Variants in ERBB4 observed in about 807,000 individuals in gnomAD.
ERBB4 encodes erb-b2 receptor tyrosine kinase 4.
A neutral mutation model predicts 158.0 loss-of-function variants in ERBB4; 42 were observed. That is an observed-to-expected ratio of 0.27 (90% confidence interval 0.21 to 0.34). ERBB4 has a LOEUF of 0.34. Ranked by LOEUF, ERBB4 falls within the 10% of genes least tolerant of loss-of-function variation. ERBB4 has a pLI of 1.00. For missense variants in ERBB4, 1,333 were observed against 1,624.1 expected, an observed-to-expected ratio of 0.82 and a Z score of 3.08; for synonymous variants, 583 against 558.7, an observed-to-expected ratio of 1.04 and a Z score of -0.61.
At chr2:211,865,625 T>A (rs893020334) in intron 3 of ERBB4, among the ~76,000 whole-genome samples, 7 of 152,066 alleles carry the variant, frequency 4.6e-5, no homozygotes, top group Admixed American at 2.6e-4. Flanking sequence ...GTAGCTGGGA[T>A]TTTCTGTCTA....
intron 7 of ERBB4, among the ~76,000 whole-genome samples, chr2:211,716,426 C>T (rs1341151227): frequency 6.8e-6 from 1 of 147,970 alleles, no homozygotes; most frequent in Non-Finnish European, 1.5e-5. Flanking sequence ...CCTGTAATCC[C>T]AGCACTTTGG....
intron 2 of ERBB4, among the ~76,000 whole-genome samples, chr2:212,070,657 G>T (rs2078086825): frequency 6.6e-6 from 1 of 151,928 alleles, no homozygotes. Flanking sequence ...AATTAGTTTG[G>T]ATCTCTGTCT....
At chr2:212,085,500 G>C (rs1046900303) in intron 2 of ERBB4, among the ~76,000 whole-genome samples, 3 of 151,800 alleles carry the variant, frequency 2.0e-5, no homozygotes, top group Non-Finnish European at 4.4e-5. Flanking sequence ...TTTCAGCTTG[G>C]TATTAGTATC....
chr2:211,461,837 T>A (rs1435283515), intron 20 of ERBB4, among the ~76,000 whole-genome samples: 1 of 151,820 alleles, frequency 6.6e-6, no homozygotes, highest in Non-Finnish European at 1.5e-5. Flanking sequence ...CTTTCTAAAG[T>A]ACTCTGGGCC....
intron 12 of ERBB4, among the ~76,000 whole-genome samples, chr2:211,682,592 GGATA>G (rs1178999519): frequency 6.6e-6 from 1 of 152,084 alleles, no homozygotes; most frequent in African/African-American, 2.4e-5. Flanking sequence ...TTTTGTATAT[GGATA>G]TTCAATATTT....
chr2:211,734,201 C>T (rs2074525835), intron 5 of ERBB4, among the ~76,000 whole-genome samples: 1 of 152,040 alleles, frequency 6.6e-6, no homozygotes, highest in South Asian at 2.1e-4. Flanking sequence ...CCAAATTTCT[C>T]ATTTTATTGA....
At chr2:212,112,930 G>GTT (rs1379225761) in intron 2 of ERBB4, among the ~76,000 whole-genome samples, 1 of 152,068 alleles carries the variant, frequency 6.6e-6, no homozygotes, top group African/African-American at 2.4e-5. Flanking sequence ...AAAAATAAAA[G>GTT]TTCACTGAAC....
chr2:211,760,403 C>T (rs2075380329), intron 4 of ERBB4, among the ~76,000 whole-genome samples: 1 of 152,140 alleles, frequency 6.6e-6, no homozygotes, highest in African/African-American at 2.4e-5. Context: ...GCAAATGACA[C>T]AAATCTGGAA....
chr2:212,362,000 A>G (rs1447058200), intron 1 of ERBB4, among the ~76,000 whole-genome samples: 4 of 151,712 alleles, frequency 2.6e-5, no homozygotes, highest in Admixed American at 1.3e-4. Flanking sequence ...TTGTATATAC[A>G]TAACATTTTA....
intron 2 of ERBB4, among the ~76,000 whole-genome samples, chr2:211,957,246 C>T (rs2081059562): frequency 6.6e-6 from 1 of 151,896 alleles, no homozygotes; most frequent in African/African-American, 2.4e-5. Flanking sequence ...TTAAGTCGGG[C>T]CCTAATCCAA....
chr2:211,719,523 A>G (rs2074028203), intron 7 of ERBB4, among the ~76,000 whole-genome samples: 1 of 151,940 alleles, frequency 6.6e-6, no homozygotes, highest in Non-Finnish European at 1.5e-5. Context: ...ACCTTCCCAC[A>G]CCCAGGTCTT....
intron 2 of ERBB4, among the ~76,000 whole-genome samples, chr2:211,982,554 C>A (rs529921418): frequency 1.3e-5 from 2 of 152,260 alleles, no homozygotes; most frequent in African/African-American, 4.8e-5. Context: ...TAGAGCAAGA[C>A]CGCACAGCCT....
chr2:212,262,200 T>G (rs1471139675), intron 1 of ERBB4, among the ~76,000 whole-genome samples: 2 of 152,198 alleles, frequency 1.3e-5, no homozygotes, highest in East Asian at 3.8e-4. Flanking sequence ...TAGATGGCTT[T>G]TATGTTTCTT....
At chr2:211,671,004 T>A (rs934534994) in intron 14 of ERBB4, among the ~76,000 whole-genome samples, 7 of 152,120 alleles carry the variant, frequency 4.6e-5, no homozygotes, top group African/African-American at 1.4e-4. Flanking sequence ...GGATTTTTTT[T>A]ATGAAATTAG....
chr2:212,285,371 G>T (rs1471588409), intron 1 of ERBB4, among the ~76,000 whole-genome samples: 1 of 138,132 alleles, frequency 7.2e-6, no homozygotes, highest in Non-Finnish European at 1.5e-5. Flanking sequence ...AAAAGCACAG[G>T]TTGCTGAAGG....
intron 15 of ERBB4, among the ~76,000 whole-genome samples, chr2:211,658,559 A>T (rs2071306036): frequency 6.6e-6 from 1 of 152,144 alleles, no homozygotes; most frequent in Non-Finnish European, 1.5e-5. Context: ...TTTAAAAGAT[A>T]CTTATCTTAA....
intron 20 of ERBB4, among the ~76,000 whole-genome samples, chr2:211,491,302 G>A (rs2065336063): frequency 6.6e-6 from 1 of 151,978 alleles, no homozygotes; most frequent in Non-Finnish European, 1.5e-5. Flanking sequence ...AAGAAATAAG[G>A]TCTAGGGAGA....
chr2:211,767,968 G>A (rs2075594572), intron 4 of ERBB4, among the ~76,000 whole-genome samples: 1 of 152,114 alleles, frequency 6.6e-6, no homozygotes, highest in South Asian at 2.1e-4. Flanking sequence ...CATGTCCAAA[G>A]TCTCATCTGA....
Position 212,013,752 on chromosome 2 carries a change from T to C in ERBB4, c.235-66136A>G, listed in dbSNP as rs2076446455. Among the ~76,000 whole-genome samples the C allele has an allele frequency of 3.9e-5, 6 of 152,236 alleles. No individual in the cohort carries two copies. In the South Asian group the frequency reaches 1.2e-3, roughly 32 times the overall value. On this transcript the variant is annotated intron_variant, in intron 2 of 27. Coordinates refer to ENST00000342788, the MANE Select transcript of ERBB4 (RefSeq NM_005235.3). ...TTCTTCCCTAGAGCATCTTTTGTTT[T>C]TCCAAGCAATCCTCCTGCATCAGCC...
Sources: gnomAD v4.1 joint callset for allele counts (sites outside exome capture counted in the v4.1 genomes callset) on GRCh38, gnomAD v4.1.1 for gene constraint, MANE v1.5 for transcripts, NCBI Gene and HGNC (gene_info 2026-07-23, HGNC 2026-07-21) for gene names.